The following KCNK10 variants were observed in gnomAD, a reference collection of about 807,000 sequenced individuals.
KCNK10 encodes the protein potassium channel subfamily K member 10.
KCNK10 carries 25 observed loss-of-function variants against 47.7 expected under a neutral mutation model. The ratio of observed to expected loss-of-function variants is 0.52; its 90% CI spans 0.38 to 0.73. The LOEUF (loss-of-function observed/expected upper bound fraction) is 0.73. Among genes scored for constraint, KCNK10 ranks in the 30% least tolerant of loss-of-function variants. The pLI, the probability that KCNK10 is intolerant of heterozygous loss-of-function variation, is 0.00. For missense variants in KCNK10, 563 were observed against 714.5 expected (o/e 0.79, Z 2.42); for synonymous variants, 303 against 285.6 (o/e 1.06, Z -0.61).
At chr14:88,230,185 C>T (rs1211855626) in intron 3 of KCNK10, among the ~76,000 whole-genome samples, 3 of 152,174 alleles carry the variant, frequency 2.0e-5, no homozygotes, top group Non-Finnish European at 4.4e-5. Context: ...TTGTGCTTTA[C>T]TGTGGGAAGG....
chr14:88,253,702 C>G (rs184574305), intron 2 of KCNK10, among the ~76,000 whole-genome samples: 1 of 152,202 alleles, frequency 6.6e-6, no homozygotes, highest in Admixed American at 6.5e-5. Context: ...GAGTTTGAGA[C>G]CAGTCTGGCC....
rs560876626 is a variant in KCNK10 at position 88,183,922 on chromosome 14, G to A, written c.*1613C>T. 1.9e-3 allele frequency: 284 copies of A among 152,422 alleles called. 1 individual carries two copies. The highest frequency in any genetic ancestry group is 3.2e-3 in the Non-Finnish European group (221 of 68,038). The allele number at this position is 152,422 out of a possible 1,614,324, so 9.4% of individuals were successfully genotyped here. On this transcript the variant is annotated 3_prime_UTR_variant, in exon 7 of 7. Coordinates refer to ENST00000319231, the MANE Select transcript of KCNK10 (RefSeq NM_138317.3). ...TAAATCCACACTGCGGGTTAGTTAC[G>A]TAAAATCCCGTGAACTCTGTAAAAG...
chr14:88,196,716 C>A (rs530572257), intron 4 of KCNK10, among the ~76,000 whole-genome samples: 6 of 152,272 alleles, frequency 3.9e-5, no homozygotes, highest in African/African-American at 7.2e-5. Context: ...GCTCAGTTTA[C>A]GGCTTGGTTT....
At chr14:88,269,713 A>C (rs1350875482) in intron 1 of KCNK10, among the ~76,000 whole-genome samples, 1 of 152,144 alleles carries the variant, frequency 6.6e-6, no homozygotes, top group Admixed American at 6.5e-5. Context: ...CTGGGATTAC[A>C]AGTATGAGCC....
chr14:88,227,413 A>G lies in KCNK10; in HGVS notation c.643T>C (p.Phe215Leu). Reference protein sequence around the residue: ...AGIGDQLGTIFGKSIARVEKV... With the variant: ...AGIGDQLGTILGKSIARVEKV... ...TCCACTCTTGCAATGCTTTTCCCAA[A>G]GATGGTTCCAAGTTGGTCTCCAATT... The change falls in exon 4 of 7, where the codon TTT (phenylalanine) becomes CTT (leucine). Residue 215 changes from phenylalanine to leucine, a missense_variant. Coordinates refer to ENST00000319231, the MANE Select transcript of KCNK10 (RefSeq NM_138317.3). 6.2e-7 allele frequency: 1 copy of G among 1,613,294 alleles called. No individual in the cohort carries two copies.
rs574446797 is a variant in KCNK10, at chr14:88,302,148, G to A, written c.52+20599C>T. Among the ~76,000 whole-genome samples, 13 of 152,264 alleles carry A rather than the reference G, an allele frequency of 8.5e-5. No homozygotes were observed. In the South Asian group the frequency reaches 2.7e-3, roughly 32 times the overall value. On this transcript the variant is annotated intron_variant, in intron 1 of 6. Coordinates refer to ENST00000319231, the MANE Select transcript of KCNK10 (RefSeq NM_138317.3). ...AACAGAGGACTCATGCAACATGCCC[G>A]TACTTTAAGCAACTATACAGATAGA... is the stretch of plus-strand genomic sequence containing the variant.
upstream of KCNK10, among the ~76,000 whole-genome samples, chr14:88,324,097 C>G (rs998916653): frequency 1.3e-5 from 2 of 152,210 alleles, no homozygotes; most frequent in Non-Finnish European, 2.9e-5. Flanking sequence ...CGGGGGCCCC[C>G]GGAGGAAAGC....
chr14:88,322,715 G>A lies in KCNK10; in HGVS notation c.52+32C>T. The A allele has an allele frequency of 6.2e-7, 1 of 1,613,926 alleles. No individual in the cohort carries two copies. The highest frequency in any genetic ancestry group is 8.5e-7 in the Non-Finnish European group (1 of 1,179,876). On this transcript the variant is annotated intron_variant, in intron 1 of 6. Coordinates refer to ENST00000319231, the MANE Select transcript of KCNK10 (RefSeq NM_138317.3). The surrounding 1 kb of genome is among the most constrained non-coding windows in gnomAD (Gnocchi z 4.8). ...GCGCACACGCCGGAGACAGAGGCAG[G>A]GCGAGGGCAGCCAAAAGTAGGAAAC...
Position 88,185,354 on chromosome 14 carries a change from G to C in KCNK10, c.*181C>G, listed in dbSNP as rs1175984165. 6 of 864,438 alleles carry C rather than the reference G, an allele frequency of 6.9e-6. No individual in the cohort carries two copies. In the East Asian group the frequency reaches 1.4e-4, roughly 20 times the overall value. 53.5% of individuals were successfully genotyped at this position (864,438 alleles called of 1,614,324 possible). ...GTTTGCTATCTGAAATGAAGTTCTT[G>C]TTCTCTGATTCCTTTTGGCAGAGCA... On this transcript the variant is annotated 3_prime_UTR_variant, in exon 7 of 7. Transcript: ENST00000319231. This position sits in a 1 kb window ranked among gnomAD's most constrained non-coding sequence, Gnocchi z 4.3.
intron 1 of KCNK10, among the ~76,000 whole-genome samples, chr14:88,265,799 G>T (rs966594631): frequency 1.5e-4 from 23 of 152,154 alleles, no homozygotes; most frequent in African/African-American, 5.6e-4. Flanking sequence ...AGATCTGATG[G>T]TTTTATAAAG....
At chr14:88,312,890 C>T (rs569991986) in intron 1 of KCNK10, among the ~76,000 whole-genome samples, 2 of 152,306 alleles carry the variant, frequency 1.3e-5, no homozygotes, top group East Asian at 3.9e-4. Context: ...ATCATGCTCA[C>T]TGTCTTTCTA....
intron 1 of KCNK10, among the ~76,000 whole-genome samples, chr14:88,310,137 G>A (rs548323846): frequency 2.4e-4 from 6 of 24,546 alleles, no homozygotes; most frequent in African/African-American, 8.3e-4. Flanking sequence ...TGGAGCTGAT[G>A]TTTTAATCCA....
chr14:88,233,807 C>T (rs1886219180), intron 3 of KCNK10, among the ~76,000 whole-genome samples: 1 of 152,206 alleles, frequency 6.6e-6, no homozygotes, highest in African/African-American at 2.4e-5. Flanking sequence ...CATTAATGCA[C>T]CTTCCAATGT....
intron 1 of KCNK10, among the ~76,000 whole-genome samples, chr14:88,291,574 C>T (rs1030695968): frequency 3.3e-5 from 5 of 152,156 alleles, no homozygotes; most frequent in African/African-American, 9.7e-5. Context: ...GCATCTGGAA[C>T]CCCAGCTGGG....
intron 6 of KCNK10, among the ~76,000 whole-genome samples, chr14:88,187,288 C>CT (rs3830946): frequency 0.079 from 12,003 of 151,874 alleles, 899 homozygotes; most frequent in East Asian, 0.25. Flanking sequence ...TCTTTTAGCT[C>CT]TTTTTTTTCT....
At chr14:88,211,664 G>A (rs889786750) in intron 4 of KCNK10, among the ~76,000 whole-genome samples, 24 of 152,080 alleles carry the variant, frequency 1.6e-4, no homozygotes, top group African/African-American at 5.3e-4. Context: ...TTGGGAGGCC[G>A]AGGCAGGTGG....
intron 2 of KCNK10, among the ~76,000 whole-genome samples, chr14:88,246,444 A>G (rs10150582): frequency 0.037 from 5,700 of 152,236 alleles, 226 homozygotes; most frequent in African/African-American, 0.094. Flanking sequence ...TCACACATTT[A>G]TGGCCGAAGA....
At chr14:88,204,306 G>A (rs1012121388) in intron 4 of KCNK10, among the ~76,000 whole-genome samples, 4 of 152,200 alleles carry the variant, frequency 2.6e-5, no homozygotes, top group African/African-American at 9.7e-5. Context: ...TGGAAAAGGA[G>A]TGACAACCCT....
intron 1 of KCNK10, among the ~76,000 whole-genome samples, chr14:88,276,292 C>T (rs528745614): frequency 1.8e-4 from 23 of 131,316 alleles, no homozygotes; most frequent in Admixed American, 7.6e-4. Flanking sequence ...GTCCTTCCAC[C>T]GAGTGAGGAC....
Sources: allele counts gnomAD v4.1 joint callset (sites outside exome capture counted in the v4.1 genomes callset), GRCh38; gene constraint gnomAD v4.1.1; non-coding constraint Gnocchi (gnomAD v3.1); transcripts MANE v1.5; gene names NCBI Gene and HGNC (gene_info 2026-07-23, HGNC 2026-07-21).